Variants in CSMD1 observed in about 807,000 individuals in gnomAD.
CSMD1 encodes the protein CUB and Sushi multiple domains 1.
CSMD1 carries 213 observed loss-of-function variants against 417.5 expected under a neutral mutation model. That is an observed-to-expected ratio of 0.51 (90% CI 0.46 to 0.57). The LOEUF is 0.57. Among genes scored for constraint, CSMD1 ranks in the 20% least tolerant of loss-of-function variants. The probability of loss-of-function intolerance (pLI) is 0.00; values close to 1 mark genes in which losing one functional copy is unlikely to be tolerated. For missense variants in CSMD1, 6,923 were observed against 4,529.7 expected (o/e 1.53, Z -15.17); for synonymous variants, 2,862 against 1,736.8 (o/e 1.65, Z -16.11).
intron 12 of CSMD1, among the ~76,000 whole-genome samples, chr8:3,416,301 T>TAAA (rs1813146161): frequency 6.7e-5 from 2 of 29,770 alleles, no homozygotes; most frequent in East Asian, 8.7e-4. Context: ...AGACTCCGTC[T>TAAA]CAAAAAAAAA....
intron 31 of CSMD1, among the ~76,000 whole-genome samples, chr8:3,203,480 G>A (rs1057241457): frequency 6.6e-6 from 1 of 152,124 alleles, no homozygotes; most frequent in Non-Finnish European, 1.5e-5. Context: ...CATGGTGAGG[G>A]GATGGCACTA....
chr8:4,490,039 A>ATTT (rs67307681), intron 2 of CSMD1, among the ~76,000 whole-genome samples: 8 of 131,284 alleles, frequency 6.1e-5, no homozygotes, highest in African/African-American at 1.4e-4. Flanking sequence ...TCAGGTACCA[A>ATTT]TTTTTTTTTT....
chr8:4,786,131 T>TA (rs1442159474), intron 1 of CSMD1, among the ~76,000 whole-genome samples: 6 of 152,198 alleles, frequency 3.9e-5, no homozygotes, highest in African/African-American at 1.4e-4. Flanking sequence ...TGTTTGCTTC[T>TA]AAAAATGGAT....
chr8:3,721,401 G>C (rs1802167100), intron 6 of CSMD1, among the ~76,000 whole-genome samples: 1 of 152,134 alleles, frequency 6.6e-6, no homozygotes, highest in Non-Finnish European at 1.5e-5. Context: ...TTTAGGATCA[G>C]TCCCATGTTT....
In CSMD1 at chr8:4,583,262, G is replaced by A. The variant is rs912840539; in HGVS notation, c.302+54080C>T. On this transcript the variant is annotated intron_variant, in intron 2 of 69. Coordinates refer to ENST00000635120, the MANE Select transcript of CSMD1 (RefSeq NM_033225.6). ...GCAGCTCCACCTGCAGCCGTGGTGC[G>A]GGACCCACCGAGTGAAGCCAGCTGC... Among the ~76,000 whole-genome samples the A allele has an allele frequency of 5.3e-5, 8 of 152,340 alleles. No individual in the cohort carries two copies. The East Asian group carries it at 7.7e-4, about 15-fold the overall frequency.
At chr8:3,915,547 A>G (rs1584957714) in intron 5 of CSMD1, among the ~76,000 whole-genome samples, 2 of 151,916 alleles carry the variant, frequency 1.3e-5, no homozygotes. Flanking sequence ...TTCTAGCTTT[A>G]AACACAAGGA....
chr8:3,675,580 A>G (rs1271901743), intron 7 of CSMD1, among the ~76,000 whole-genome samples: 1 of 152,030 alleles, frequency 6.6e-6, no homozygotes, highest in Non-Finnish European at 1.5e-5. Context: ...ACATGCAGAC[A>G]CGAGGGTTGA....
chr8:3,110,770 C>T (rs7014025), intron 42 of CSMD1, among the ~76,000 whole-genome samples: 148,808 of 152,266 alleles, frequency 0.98, 72,733 homozygotes, highest in African/African-American at 0.99. Context: ...TCTAAGTCTA[C>T]TTGCCTTAAA....
chr8:4,587,693 G>T (rs1369907303), intron 2 of CSMD1, among the ~76,000 whole-genome samples: 1 of 152,092 alleles, frequency 6.6e-6, no homozygotes, highest in Non-Finnish European at 1.5e-5. Context: ...CTAGGTACTG[G>T]TTAAGAGATT....
intron 1 of CSMD1, among the ~76,000 whole-genome samples, chr8:4,721,887 T>C (rs559031340): frequency 6.6e-6 from 1 of 152,138 alleles, no homozygotes; most frequent in Non-Finnish European, 1.5e-5. Context: ...TGGATGAAAC[T>C]GAAGGGCATT....
At chr8:3,360,751 C>T (rs916348053) in intron 20 of CSMD1, among the ~76,000 whole-genome samples, 1 of 152,144 alleles carries the variant, frequency 6.6e-6, no homozygotes, top group East Asian at 1.9e-4. Flanking sequence ...CTAACACCAT[C>T]TTTAGGGTTC....
At chr8:2,989,768 T>C (rs949393111) in intron 54 of CSMD1, among the ~76,000 whole-genome samples, 2 of 152,168 alleles carry the variant, frequency 1.3e-5, no homozygotes, top group Non-Finnish European at 2.9e-5. Flanking sequence ...TTTTCATACT[T>C]AAAAGCCCAC....
At chr8:4,975,513 A>C (rs1428893962) in intron 1 of CSMD1, among the ~76,000 whole-genome samples, 1 of 152,204 alleles carries the variant, frequency 6.6e-6, no homozygotes, top group Non-Finnish European at 1.5e-5. Context: ...GCAAAAGGCC[A>C]AATCACTTAT....
At chr8:4,829,721 G>A (rs1383183170) in intron 1 of CSMD1, among the ~76,000 whole-genome samples, 1 of 138,678 alleles carries the variant, frequency 7.2e-6, no homozygotes, top group African/African-American at 2.7e-5. Context: ...TTGGATGGCA[G>A]AGTGAGACCC....
chr8:3,963,806 T>C (rs1011197974), intron 5 of CSMD1, among the ~76,000 whole-genome samples: 3 of 152,166 alleles, frequency 2.0e-5, no homozygotes, highest in African/African-American at 7.2e-5. Context: ...ACTTAATATT[T>C]TGAAATAAAA....
chr8:4,505,250 G>T (rs1206307203), intron 2 of CSMD1, among the ~76,000 whole-genome samples: 1 of 151,948 alleles, frequency 6.6e-6, no homozygotes. Context: ...CTTACTTTAT[G>T]AAAAAATAAT....
At chr8:3,923,449 A>C (rs996471307) in intron 5 of CSMD1, among the ~76,000 whole-genome samples, 13 of 152,022 alleles carry the variant, frequency 8.6e-5, no homozygotes, top group African/African-American at 3.1e-4. Flanking sequence ...TCATTTGCTT[A>C]TTATATCTGC....
intron 1 of CSMD1, among the ~76,000 whole-genome samples, chr8:4,916,361 G>GA (rs35478031): frequency 1.3e-5 from 2 of 152,056 alleles, no homozygotes; most frequent in African/African-American, 2.4e-5. Flanking sequence ...AAAACCCTTT[G>GA]AAAAAAGTAT....
chr8:3,264,124 A>C (rs111892137), intron 26 of CSMD1, among the ~76,000 whole-genome samples: 2 of 152,338 alleles, frequency 1.3e-5, no homozygotes, highest in African/African-American at 4.8e-5. Context: ...TAATATGATT[A>C]AACTGATTCC....
Sources: gnomAD v4.1 joint callset for allele counts (sites outside exome capture counted in the v4.1 genomes callset) on GRCh38, gnomAD v4.1.1 for gene constraint, MANE v1.5 for transcripts, NCBI Gene and HGNC (gene_info 2026-07-23, HGNC 2026-07-21) for gene names.